Variants in PEBP4 observed in about 807,000 individuals in gnomAD.
PEBP4 encodes phosphatidylethanolamine-binding protein 4.
A neutral mutation model predicts 23.9 loss-of-function variants in PEBP4; 22 were observed. The ratio of observed to expected loss-of-function variants is 0.92; its 90% CI spans 0.66 to 1.31. The LOEUF (loss-of-function observed/expected upper bound fraction) is 1.31, where lower values mean the gene tolerates loss of function less well. PEBP4 is among the 40% of genes most tolerant of loss of function. The pLI is 0.00. For synonymous variants in PEBP4, 112 were observed against 99.3 expected, an observed-to-expected ratio of 1.13 and a Z score of -0.76; for missense variants, 324 against 281.7, an observed-to-expected ratio of 1.15 and a Z score of -1.07.
chr8:22,821,981 T>C (rs1806867655), intron 3 of PEBP4, among the ~76,000 whole-genome samples: 2 of 38,686 alleles, frequency 5.2e-5, no homozygotes, highest in African/African-American at 7.4e-5. Flanking sequence ...CAAGACCTCG[T>C]CTCAAAAAAA....
intron 3 of PEBP4, among the ~76,000 whole-genome samples, chr8:22,897,516 T>C (rs1808612689): frequency 6.6e-6 from 1 of 152,136 alleles, no homozygotes; most frequent in Admixed American, 6.5e-5. Context: ...TGTGTAAAAA[T>C]ACCACCGAGT....
At chr8:22,878,327 G>A (rs907911876) in intron 3 of PEBP4, among the ~76,000 whole-genome samples, 11 of 152,032 alleles carry the variant, frequency 7.2e-5, no homozygotes, top group Non-Finnish European at 1.5e-4. Flanking sequence ...GGGCCTCTAC[G>A]GAAAACACAT....
At chr8:22,746,758 C>T (rs1319001955) in intron 4 of PEBP4, among the ~76,000 whole-genome samples, 3 of 152,134 alleles carry the variant, frequency 2.0e-5, no homozygotes, top group Non-Finnish European at 4.4e-5. Context: ...CGGTGCTGTC[C>T]AGTGCGACAT....
At chr8:22,790,396 TG>T (rs1806115458) in intron 4 of PEBP4, among the ~76,000 whole-genome samples, 1 of 152,158 alleles carries the variant, frequency 6.6e-6, no homozygotes, top group Non-Finnish European at 1.5e-5. Flanking sequence ...AGGGCCCTGA[TG>T]GCTGAGGTAG....
intron 3 of PEBP4, among the ~76,000 whole-genome samples, chr8:22,863,875 A>G (rs903606646): frequency 3.9e-5 from 6 of 152,178 alleles, no homozygotes; most frequent in Non-Finnish European, 2.9e-5. Flanking sequence ...CCAGTTAAGG[A>G]ACTGTCAAAT....
chr8:22,854,777 G>A (rs1807606196), intron 3 of PEBP4, among the ~76,000 whole-genome samples: 1 of 152,110 alleles, frequency 6.6e-6, no homozygotes, highest in Non-Finnish European at 1.5e-5. Flanking sequence ...AAAGCATGCA[G>A]AAGAAAAATT....
intron 3 of PEBP4, among the ~76,000 whole-genome samples, chr8:22,833,284 C>G (rs1462424234): frequency 6.6e-6 from 1 of 152,184 alleles, no homozygotes; most frequent in Non-Finnish European, 1.5e-5. Context: ...ATCCATCAAG[C>G]CTATCTGGAG....
At chr8:22,713,580 A>G (rs1040134748) in intron 6 of PEBP4, 44 bp from the exon 7 acceptor site, 2 of 1,613,234 alleles carry the variant, frequency 1.2e-6, no homozygotes, top group African/African-American at 2.7e-5. Context: ...AGAAAGAGCC[A>G]TGGACTTGAA....
chr8:22,807,847 TCCAC>T (rs1333456345), intron 4 of PEBP4, among the ~76,000 whole-genome samples: 5 of 150,666 alleles, frequency 3.3e-5, no homozygotes, highest in South Asian at 2.1e-4. Context: ...CATCCATCCA[TCCAC>T]CCACCCACCT....
chr8:22,862,950 G>A (rs184242547), intron 3 of PEBP4, among the ~76,000 whole-genome samples: 13 of 152,012 alleles, frequency 8.6e-5, no homozygotes, highest in Admixed American at 4.6e-4. Flanking sequence ...ACAAGCGCCC[G>A]CCCCCACGCC....
intron 4 of PEBP4, among the ~76,000 whole-genome samples, chr8:22,803,537 G>A (rs1585281407): frequency 6.6e-6 from 1 of 152,042 alleles, no homozygotes; most frequent in South Asian, 2.1e-4. Flanking sequence ...GGTGCTGCGG[G>A]CTTATAATCC....
At position 22,933,000 on chromosome 8, in the gene PEBP4, G is replaced by A. The variant is rs11997524; in HGVS notation, c.145-5280C>T. On this transcript the variant is annotated intron_variant, in intron 1 of 1. Coordinates refer to the PEBP4 transcript ENST00000522278. Reference sequence around the variant, plus strand: ...AGCCTGGGCAACAGAGCAAGACTCCGTCTCCAAAAAAAAAAAAAAAGGTTG... The same window carrying A: ...AGCCTGGGCAACAGAGCAAGACTCCATCTCCAAAAAAAAAAAAAAAGGTTG... Among the ~76,000 whole-genome samples the A allele has an allele frequency of 6.5e-3, 567 of 87,656 alleles. 3 individuals carry two copies. Among genetic ancestry groups the A allele is most frequent in the African/African-American group, 0.031 (532 of 17,196 alleles). 57.5% of individuals were successfully genotyped at this position (87,656 alleles called of 152,430 possible). A position where few individuals can be genotyped will look rare whatever the true frequency, so the allele number is the denominator to read the frequency against.
chr8:22,903,058 C>T (rs548066219), intron 3 of PEBP4, among the ~76,000 whole-genome samples: 3 of 152,316 alleles, frequency 2.0e-5, no homozygotes, highest in African/African-American at 7.2e-5. Flanking sequence ...AGTGGTATTT[C>T]AGGTACAACC....
At chr8:22,835,550 C>T (rs1256359442) in intron 3 of PEBP4, among the ~76,000 whole-genome samples, 1 of 152,188 alleles carries the variant, frequency 6.6e-6, no homozygotes, top group Admixed American at 6.5e-5. Context: ...TTAAGCTCAC[C>T]TGGGAATGGG....
chr8:22,718,907 C>A (rs1804465485), intron 6 of PEBP4, among the ~76,000 whole-genome samples: 1 of 152,214 alleles, frequency 6.6e-6, no homozygotes, highest in Non-Finnish European at 1.5e-5. Context: ...GATTTCCTCC[C>A]AGCCTCATCC....
rs1804343756 is a variant in PEBP4 at position 22,713,318 on chromosome 8, A to G, written c.*52T>C. On this transcript the variant is annotated 3_prime_UTR_variant, in exon 7 of 7. Transcript: ENST00000256404. ...TATCCAGAGGGGGTTCCATACCCAC[A>G]TCGTCGGTGGTGGGCAGTGTGGCCA... 5 of 1,519,554 alleles carry G rather than the reference A, an allele frequency of 3.3e-6. No individual in the cohort carries two copies. The East Asian group carries it at 1.1e-4, about 35-fold the overall frequency. 94.1% of individuals were successfully genotyped at this position (1,519,554 alleles called of 1,614,324 possible).
chr8:22,855,636 T>A (rs922016285), intron 3 of PEBP4, among the ~76,000 whole-genome samples: 1 of 152,168 alleles, frequency 6.6e-6, no homozygotes, highest in African/African-American at 2.4e-5. Flanking sequence ...AATGTCCTTA[T>A]GCGTGGGGAA....
At chr8:22,912,031 G>A (rs528238221) in intron 3 of PEBP4, among the ~76,000 whole-genome samples, 3 of 152,226 alleles carry the variant, frequency 2.0e-5, no homozygotes, top group Admixed American at 2.0e-4. Flanking sequence ...GTGGCGGATT[G>A]GGTAAGGGGG....
At chr8:22,808,201 C>T (rs1391950211) in intron 4 of PEBP4, among the ~76,000 whole-genome samples, 1 of 151,914 alleles carries the variant, frequency 6.6e-6, no homozygotes, top group Non-Finnish European at 1.5e-5. Flanking sequence ...AACTTCCATC[C>T]ATCCACCCAC....
Sources: gnomAD v4.1 joint callset for allele counts (sites outside exome capture counted in the v4.1 genomes callset) on GRCh38, gnomAD v4.1.1 for gene constraint, MANE v1.5 for transcripts, NCBI Gene and HGNC (gene_info 2026-07-23, HGNC 2026-07-21) for gene names.